The following AGPAT5 variants were observed in gnomAD, a reference collection of about 807,000 sequenced individuals.
AGPAT5 encodes the protein 1-acylglycerol-3-phosphate O-acyltransferase 5.
AGPAT5 carries 46 observed loss-of-function variants against 45.6 expected under a neutral mutation model. The ratio of observed to expected loss-of-function variants is 1.01; its 90% CI spans 0.80 to 1.29. The LOEUF (loss-of-function observed/expected upper bound fraction) is 1.29. Among genes scored for constraint, AGPAT5 ranks in the 50% most tolerant of loss-of-function variants. The probability of loss-of-function intolerance (pLI) is 0.00; values close to 1 mark genes in which losing one functional copy is unlikely to be tolerated. For missense variants in AGPAT5, 673 were observed against 450.7 expected (o/e 1.49, Z -4.47); for synonymous variants, 272 against 167.0 (o/e 1.63, Z -4.85).
At chr8:6,711,951 G>A (rs932051564) in intron 1 of AGPAT5, among the ~76,000 whole-genome samples, 2 of 152,130 alleles carry the variant, frequency 1.3e-5, no homozygotes, top group African/African-American at 4.8e-5. Context: ...AATTATAACT[G>A]CAAAGAGCCT....
intron 3 of AGPAT5, among the ~76,000 whole-genome samples, chr8:6,732,177 A>AGTACT (rs10646552): frequency 1.3e-5 from 2 of 151,390 alleles, no homozygotes; most frequent in African/African-American, 2.4e-5. Flanking sequence ...AAAGATCGTG[A>AGTACT]GACATGTTAA....
chr8:6,736,796 A>G (rs765016314), intron 4 of AGPAT5, among the ~76,000 whole-genome samples: 4 of 152,188 alleles, frequency 2.6e-5, no homozygotes, highest in East Asian at 1.9e-4. Flanking sequence ...CTCACCTCTC[A>G]TTTACTTTCA....
rs1305512443 is a variant in AGPAT5 at position 6,732,589 on chromosome 8, C to T, written c.434C>T (p.Ala145Val). Residue 145 changes from alanine to valine, a missense_variant, in exon 4 of 8, where the codon GCC becomes GTC. Transcript: ENST00000285518. ...GGAGGAATCTATGTAAAGCGCAGTG[C>T]CAAATTTAACGAGAAAGAGATGCGA... Reference protein sequence around the residue: ...QHGGIYVKRSAKFNEKEMRNK... With the variant: ...QHGGIYVKRSVKFNEKEMRNK... 1.2e-6 allele frequency: 2 copies of T among 1,610,662 alleles called. No homozygotes were observed. Among genetic ancestry groups the T allele is most frequent in the African/African-American group, 1.3e-5 (1 of 74,802 alleles).
At chr8:6,715,157 C>G (rs953633272) in intron 1 of AGPAT5, among the ~76,000 whole-genome samples, 2 of 152,166 alleles carry the variant, frequency 1.3e-5, no homozygotes, top group African/African-American at 4.8e-5. Flanking sequence ...AGGTCACATT[C>G]TAGTGTGGGA....
intron 2 of AGPAT5, among the ~76,000 whole-genome samples, chr8:6,726,626 C>G (rs28613384): frequency 6.6e-6 from 1 of 151,938 alleles, no homozygotes; most frequent in South Asian, 2.1e-4. Flanking sequence ...AGAAAACATC[C>G]ATGAAAAAAC....
rs555767040 is a variant in AGPAT5 at position 6,726,391 on chromosome 8, C to G, written c.289+1452C>G. 5.3e-5 allele frequency among the ~76,000 whole-genome samples: 8 copies of G among 152,268 alleles called. No individual in the cohort carries two copies. The East Asian group carries it at 9.6e-4, about 18-fold the overall frequency. ...GTAGAGTTGTCTGTTTAACAGGATT[C>G]TCTTAAAATTCCTTCTTCAGTTTAC... On this transcript the variant is annotated intron_variant, in intron 2 of 7. Transcript: ENST00000285518.
chr8:6,749,309 T>C (rs755098605), intron 6 of AGPAT5, among the ~76,000 whole-genome samples: 2 of 152,126 alleles, frequency 1.3e-5, no homozygotes, highest in Non-Finnish European at 2.9e-5. Context: ...GTATAAAAAT[T>C]GGTTATGGTC....
intron 1 of AGPAT5, among the ~76,000 whole-genome samples, chr8:6,721,669 A>T (rs1800506271): frequency 6.6e-6 from 1 of 152,194 alleles, no homozygotes; most frequent in East Asian, 1.9e-4. Context: ...GAAGTCCATT[A>T]CTTTAGAACC....
At chr8:6,711,927 A>G (rs907908597) in intron 1 of AGPAT5, among the ~76,000 whole-genome samples, 53 of 152,190 alleles carry the variant, frequency 3.5e-4, no homozygotes, top group Non-Finnish European at 5.1e-4. Context: ...TGATCTCTTC[A>G]TCTCAAGATC....
intron 6 of AGPAT5, among the ~76,000 whole-genome samples, chr8:6,749,047 C>T (rs1379225636): frequency 2.0e-5 from 3 of 152,192 alleles, no homozygotes; most frequent in Admixed American, 6.5e-5. Flanking sequence ...CAACCTTACA[C>T]GTAGGCCTTC....
chr8:6,748,130 A>G (rs1212166063), intron 6 of AGPAT5, among the ~76,000 whole-genome samples: 1 of 152,212 alleles, frequency 6.6e-6, no homozygotes, highest in Non-Finnish European at 1.5e-5. Flanking sequence ...GACGTGAAGA[A>G]GGAGCACGCC....
At chr8:6,729,626 A>G (rs1276846538) in intron 2 of AGPAT5, among the ~76,000 whole-genome samples, 4 of 152,000 alleles carry the variant, frequency 2.6e-5, no homozygotes, top group African/African-American at 4.8e-5. Context: ...ATTTCACTTC[A>G]TTTCCTCTTT....
At position 6,747,825 on chromosome 8, in the gene AGPAT5, A is replaced by G. The variant is rs766262768; in HGVS notation, c.742A>G (p.Thr248Ala). 28 of 1,613,852 alleles carry G rather than the reference A, an allele frequency of 1.7e-5. No individual in the cohort carries two copies. Among genetic ancestry groups the G allele is most frequent in the Middle Eastern group, 3.3e-4 (2 of 6,082 alleles). The change falls in exon 6 of 8, where the codon ACG (threonine) becomes GCG (alanine). Residue 248 changes from threonine to alanine, a missense_variant. Coordinates refer to ENST00000285518, the MANE Select transcript of AGPAT5 (RefSeq NM_018361.5). ...GCAGCGAAGAGAGTCACCGACCATGACGGGTAAGTGTGTTCACGCACCTGA... is the reference window on the plus strand; with the variant it reads ...GCAGCGAAGAGAGTCACCGACCATGGCGGGTAAGTGTGTTCACGCACCTGA... ...GGQRRESPTM[T>A]EFLCKECPKI... is the part of the protein sequence containing the mutation.
chr8:6,747,854 G>T (rs1379316399), intron 6 of AGPAT5, 26 bp downstream of exon 6: 1 of 1,611,976 alleles, frequency 6.2e-7, no homozygotes, highest in South Asian at 1.1e-5. Context: ...CACCTGAAAT[G>T]CCTGTACACG....
In AGPAT5 at chr8:6,758,108, T is replaced by G. The variant is rs554180534; in HGVS notation, c.*720T>G. ...GACTCTGATTCATTATAGCAGAACT[T>G]TAAATTTCCCAGCTTTTTGAAGATT... On this transcript the variant is annotated 3_prime_UTR_variant, in exon 8 of 8. Transcript: ENST00000285518. The G allele has an allele frequency of 1.3e-5, 2 of 152,390 alleles. No homozygotes were observed. Among genetic ancestry groups the G allele is most frequent in the African/African-American group, 4.8e-5 (2 of 41,594 alleles). 9.4% of individuals were successfully genotyped at this position (152,390 alleles called of 1,614,324 possible).
intron 2 of AGPAT5, 118 bp downstream of exon 2, chr8:6,725,057 A>T (rs1265162118): frequency 2.4e-5 from 8 of 336,220 alleles, no homozygotes; most frequent in Non-Finnish European, 4.5e-5. Flanking sequence ...TTCTGTGCAG[A>T]TATTACACCT....
intron 1 of AGPAT5, among the ~76,000 whole-genome samples, chr8:6,713,052 GC>G (rs1800204534): frequency 6.6e-6 from 1 of 152,188 alleles, no homozygotes; most frequent in African/African-American, 2.4e-5. Flanking sequence ...TGGTGCGGTG[GC>G]ACCATCATTG....
At position 6,755,156 on chromosome 8, in the gene AGPAT5, G is replaced by C; in HGVS notation, c.851G>C (p.Arg284Pro). 1 of 1,600,290 alleles carries C rather than the reference G, an allele frequency of 6.2e-7. No homozygotes were observed. The highest frequency in any genetic ancestry group is 8.5e-7 in the Non-Finnish European group (1 of 1,177,532). The change falls in exon 7 of 8, where the codon CGT becomes CCT. Residue 284 changes from arginine to proline, a missense_variant. Transcript: ENST00000285518. ...CATATGAGAAGATGGCTGCATGAAC[G>C]TTTCGAAATCAAAGATAAGTGAGTA... is the stretch of plus-strand genomic sequence containing the variant. ...QEHMRRWLHE[R>P]FEIKDKMLIE...
chr8:6,758,981 A>C lies in AGPAT5; in HGVS notation c.*1593A>C, dbSNP rs1801937597. 1 of 152,470 alleles carries C rather than the reference A, an allele frequency of 6.6e-6. No homozygotes were observed. The highest frequency in any genetic ancestry group is 1.5e-5 in the Non-Finnish European group (1 of 68,030). 9.4% of individuals were successfully genotyped at this position (152,470 alleles called of 1,614,324 possible). Reference sequence around the variant, plus strand: ...TGTTACACTGCTTCTCCCATGCCAGAGAATAAACTCTTTCAAGCATCATCT... The same window carrying C: ...TGTTACACTGCTTCTCCCATGCCAGCGAATAAACTCTTTCAAGCATCATCT... On this transcript the variant is annotated 3_prime_UTR_variant, in exon 8 of 8. Coordinates refer to ENST00000285518, the MANE Select transcript of AGPAT5 (RefSeq NM_018361.5).
Sources: gnomAD v4.1 joint callset for allele counts (sites outside exome capture counted in the v4.1 genomes callset) on GRCh38, gnomAD v4.1.1 for gene constraint, MANE v1.5 for transcripts, NCBI Gene and HGNC (gene_info 2026-07-23, HGNC 2026-07-21) for gene names.